NFIA: variants seen among roughly 807,000 people sequenced by gnomAD.
NFIA encodes nuclear factor 1 A-type.
A neutral mutation model predicts 62.8 loss-of-function variants in NFIA; 8 were observed. That is an observed-to-expected ratio of 0.13 (90% CI 0.07 to 0.23). NFIA has a LOEUF of 0.23. Among genes scored for constraint, NFIA ranks in the 10% least tolerant of loss-of-function variants. The pLI is 1.00. For missense variants in NFIA, 410 were observed against 642.1 expected (o/e 0.64, Z 3.91); for synonymous variants, 235 against 238.1 (o/e 0.99, Z 0.12).
chr1:61,453,442 A>AGTTT (rs1557451690), intron 10 of NFIA, among the ~76,000 whole-genome samples: 6 of 132,468 alleles, frequency 4.5e-5, no homozygotes, highest in African/African-American at 1.7e-4. Flanking sequence ...GTGTGAAGAA[A>AGTTT]CTTTTTTTTT....
At chr1:61,232,860 C>T (rs1654763161) in intron 2 of NFIA, among the ~76,000 whole-genome samples, 1 of 152,020 alleles carries the variant, frequency 6.6e-6, no homozygotes, top group East Asian at 1.9e-4. Context: ...TTACGTCACC[C>T]CAAGTTTATT....
At chr1:61,171,627 A>G (rs1649971623) in intron 2 of NFIA, among the ~76,000 whole-genome samples, 1 of 152,134 alleles carries the variant, frequency 6.6e-6, no homozygotes, top group South Asian at 2.1e-4. Flanking sequence ...AGAAATGGAG[A>G]AAATGGCCTG....
At chr1:61,203,441 G>A (rs531288679) in intron 2 of NFIA, among the ~76,000 whole-genome samples, 20 of 152,212 alleles carry the variant, frequency 1.3e-4, no homozygotes, top group African/African-American at 4.1e-4. Context: ...TTTTGAGCCC[G>A]CTGTGCCCTC....
chr1:61,316,234 TGAG>T, intron 3 of NFIA, among the ~76,000 whole-genome samples: 1 of 152,054 alleles, frequency 6.6e-6, no homozygotes, highest in East Asian at 1.9e-4. Flanking sequence ...TGGGTAAGGG[TGAG>T]GAGTAGAGGG....
At chr1:61,279,369 T>G (rs1657997861) in intron 3 of NFIA, among the ~76,000 whole-genome samples, 1 of 151,984 alleles carries the variant, frequency 6.6e-6, no homozygotes, top group Admixed American at 6.6e-5. Flanking sequence ...GATATTTTCT[T>G]TATCAAAGTT....
chr1:61,443,418 G>C (rs1667672326), intron 10 of NFIA, among the ~76,000 whole-genome samples: 1 of 152,106 alleles, frequency 6.6e-6, no homozygotes, highest in South Asian at 2.1e-4. Flanking sequence ...CACACTCCTA[G>C]TCCATCCACC....
Position 61,354,359 on chromosome 1 carries a change from G to A in NFIA, c.818+1792G>A, listed in dbSNP as rs188595812. Among the ~76,000 whole-genome samples, 3 of 152,266 alleles carry A rather than the reference G, an allele frequency of 2.0e-5. No individual in the cohort carries two copies. In the East Asian group the frequency reaches 5.8e-4, roughly 29 times the overall value. On this transcript the variant is annotated intron_variant, in intron 5 of 10. Coordinates refer to ENST00000403491, the MANE Select transcript of NFIA (RefSeq NM_001134673.4). ...TAACGATGTACAGGTTAGAAAGTGTGCCCAGAAGAATATCTCAGATTTATA... is the reference window on the plus strand; with the variant it reads ...TAACGATGTACAGGTTAGAAAGTGTACCCAGAAGAATATCTCAGATTTATA...
chr1:61,102,747 A>G (rs546443190), intron 2 of NFIA, among the ~76,000 whole-genome samples: 1 of 152,078 alleles, frequency 6.6e-6, no homozygotes, highest in Non-Finnish European at 1.5e-5. Context: ...AAATTGTTTC[A>G]GGGTACTTTT....
chr1:61,318,218 T>C (rs1012162750), intron 3 of NFIA, among the ~76,000 whole-genome samples: 1 of 151,828 alleles, frequency 6.6e-6, no homozygotes, highest in African/African-American at 2.4e-5. Flanking sequence ...ATATATAACT[T>C]ACTTAAGTTC....
chr1:61,442,527 T>G (rs1667630519), intron 10 of NFIA, among the ~76,000 whole-genome samples: 1 of 152,030 alleles, frequency 6.6e-6, no homozygotes, highest in African/African-American at 2.4e-5. Context: ...CCATTTTAAG[T>G]TTCAAATTTC....
intron 2 of NFIA, among the ~76,000 whole-genome samples, chr1:61,136,361 A>C (rs1454787289): frequency 6.6e-6 from 1 of 152,206 alleles, no homozygotes; most frequent in Non-Finnish European, 1.5e-5. Context: ...CACAGCATGG[A>C]GTGTAAGAAG....
At chr1:61,218,293 G>A (rs968687802) in intron 2 of NFIA, among the ~76,000 whole-genome samples, 4 of 152,214 alleles carry the variant, frequency 2.6e-5, no homozygotes, top group Admixed American at 2.6e-4. Context: ...GGAAATGGGG[G>A]TTCTTCACCG....
rs1668287282 is a variant in NFIA at position 61,456,013 on chromosome 1, TAA to T, written c.*696_*697del. The T allele has an allele frequency of 1.3e-5, 2 of 152,770 alleles. No homozygotes were observed. The highest frequency in any genetic ancestry group is 1.9e-4 in the East Asian group (1 of 5,196). 9.5% of individuals were successfully genotyped at this position (152,770 alleles called of 1,614,324 possible). A position where few individuals can be genotyped will look rare whatever the true frequency, so the allele number is the denominator to read the frequency against. On this transcript the variant is annotated 3_prime_UTR_variant, in exon 11 of 11. Transcript: ENST00000403491. ...CTACTACTACTACTGTTCAGTTTTTTAAAAGTTTTGAAATGCTGCACTTACAT... is the reference window on the plus strand; with the variant it reads ...CTACTACTACTACTGTTCAGTTTTTTAAGTTTTGAAATGCTGCACTTACAT...
intron 7 of NFIA, among the ~76,000 whole-genome samples, chr1:61,396,837 T>TA (rs969525117): frequency 6.6e-6 from 1 of 151,734 alleles, no homozygotes; most frequent in Non-Finnish European, 1.5e-5. Context: ...CCATCTCTAC[T>TA]AAAAAAATTC....
Position 61,459,406 on chromosome 1 carries a change from C to A in NFIA, c.*4086C>A, listed in dbSNP as rs1016216625. ...CGCCCCTTTTCTGATCATTCGTGCG[C>A]AGAGGGCCTCCCAGTAATGCCACGC... On this transcript the variant is annotated 3_prime_UTR_variant, in exon 11 of 11. Coordinates refer to ENST00000403491, the MANE Select transcript of NFIA (RefSeq NM_001134673.4). The A allele has an allele frequency of 1.3e-5, 2 of 152,312 alleles. No individual in the cohort carries two copies. Among genetic ancestry groups the A allele is most frequent in the Admixed American group, 6.5e-5 (1 of 15,274 alleles). The allele number at this position is 152,312 out of a possible 1,614,324, so 9.4% of individuals were successfully genotyped here. A position where few individuals can be genotyped will look rare whatever the true frequency, so the allele number is the denominator to read the frequency against.
chr1:61,397,546 A>G (rs1569759080), intron 7 of NFIA, among the ~76,000 whole-genome samples: 1 of 152,212 alleles, frequency 6.6e-6, no homozygotes, highest in East Asian at 1.9e-4. Context: ...TGTCTATGAT[A>G]GTACTATCAT....
chr1:61,081,723 A>C (rs1283617887), upstream of NFIA: 6 of 655,206 alleles, frequency 9.2e-6, no homozygotes, highest in Non-Finnish European at 1.2e-5. Context: ...AATCCGGTGA[A>C]TCTTCTGTGG....
intron 9 of NFIA, among the ~76,000 whole-genome samples, chr1:61,421,026 A>G (rs372862552): frequency 4.6e-5 from 7 of 152,158 alleles, no homozygotes; most frequent in Non-Finnish European, 1.0e-4. Flanking sequence ...CTGTTCCTCC[A>G]ATTGTGCTGT....
chr1:61,193,185 G>C (rs893361959), intron 2 of NFIA, among the ~76,000 whole-genome samples: 1 of 152,108 alleles, frequency 6.6e-6, no homozygotes, highest in Admixed American at 6.5e-5. Context: ...TGTTTGGCTT[G>C]GACCAATTTA....
Sources: gnomAD v4.1 joint callset for allele counts (sites outside exome capture counted in the v4.1 genomes callset) on GRCh38, gnomAD v4.1.1 for gene constraint, MANE v1.5 for transcripts, NCBI Gene and HGNC (gene_info 2026-07-23, HGNC 2026-07-21) for gene names.